FNDC3B: variants seen among roughly 807,000 people sequenced by gnomAD.
FNDC3B encodes fibronectin type III domain-containing protein 3B.
In FNDC3B, 12 loss-of-function variants were observed where a neutral mutation model predicts 151.5. The ratio of observed to expected loss-of-function variants is 0.08; its 90% CI spans 0.05 to 0.13. The LOEUF (loss-of-function observed/expected upper bound fraction) is 0.13, where lower values mean the gene tolerates loss of function less well. Among genes scored for constraint, FNDC3B ranks in the 10% least tolerant of loss-of-function variants. The pLI is 1.00. For synonymous variants in FNDC3B, 528 were observed against 549.0 expected, an observed-to-expected ratio of 0.96 and a Z score of 0.54; for missense variants, 1,214 against 1,505.3, an observed-to-expected ratio of 0.81 and a Z score of 3.20.
chr3:172,341,553 G>C (rs1733325071), intron 17 of FNDC3B, among the ~76,000 whole-genome samples: 2 of 152,158 alleles, frequency 1.3e-5, no homozygotes. Context: ...CTCGGTTATT[G>C]CAATGATTAA....
chr3:172,126,778 C>A lies in FNDC3B; in HGVS notation c.112-6693C>A, dbSNP rs566528602. ...GAGGGTCCTTTCCTGGACTTCTGAG[C>A]CCTTAATAGGAAATTTCCACATACT... On this transcript the variant is annotated intron_variant, in intron 2 of 25. Coordinates refer to ENST00000415807, the MANE Select transcript of FNDC3B (RefSeq NM_022763.4). 3.9e-5 allele frequency among the ~76,000 whole-genome samples: 6 copies of A among 152,282 alleles called. No homozygotes were observed. The East Asian group carries it at 1.2e-3, about 29-fold the overall frequency.
intron 2 of FNDC3B, among the ~76,000 whole-genome samples, chr3:172,126,060 T>G (rs1720795455): frequency 6.6e-6 from 1 of 152,156 alleles, no homozygotes; most frequent in Non-Finnish European, 1.5e-5. Context: ...AAATAAATCT[T>G]GAGTTAGTTC....
At chr3:172,056,644 C>T (rs1716933184) in intron 1 of FNDC3B, among the ~76,000 whole-genome samples, 2 of 152,198 alleles carry the variant, frequency 1.3e-5, no homozygotes, top group Non-Finnish European at 2.9e-5. Flanking sequence ...CTATTTGGCT[C>T]AACGTAGTGT....
intron 3 of FNDC3B, among the ~76,000 whole-genome samples, chr3:172,203,611 C>T (rs974517951): frequency 5.9e-5 from 9 of 152,184 alleles, no homozygotes; most frequent in Non-Finnish European, 1.2e-4. Flanking sequence ...TATCTTTTCG[C>T]TGATTTTCTT....
In FNDC3B at chr3:172,186,226, A is replaced by G. The variant is rs138191063; in HGVS notation, c.188-40645A>G. 2.9e-3 allele frequency among the ~76,000 whole-genome samples: 449 copies of G among 152,316 alleles called. 5 individuals are homozygous for G. Among genetic ancestry groups the G allele is most frequent in the African/African-American group, 0.01 (432 of 41,556 alleles). ...CTGCCTACTATAGTTTCTTTACTAT[A>G]TGGAAACTGGAAAAATAAGTAATTG... On this transcript the variant is annotated intron_variant, in intron 3 of 25. Transcript: ENST00000415807.
chr3:172,279,708 A>G (rs1166160442), intron 6 of FNDC3B, among the ~76,000 whole-genome samples: 1 of 152,134 alleles, frequency 6.6e-6, no homozygotes, highest in Non-Finnish European at 1.5e-5. Flanking sequence ...TTGTGATTTT[A>G]CTCATCTTTA....
At chr3:172,380,937 G>C in intron 24 of FNDC3B, 29 bp from the exon 25 acceptor site, 3 of 1,610,140 alleles carry the variant, frequency 1.9e-6, no homozygotes, top group Non-Finnish European at 2.5e-6. Context: ...TTTGAATTTT[G>C]AGCTTGGATG....
chr3:172,102,079 C>T (rs1347690309), intron 1 of FNDC3B, among the ~76,000 whole-genome samples: 2 of 152,194 alleles, frequency 1.3e-5, no homozygotes, highest in African/African-American at 4.8e-5. Flanking sequence ...ACTCACTAAC[C>T]TATATATAAA....
chr3:172,148,175 C>T (rs1356419221), intron 3 of FNDC3B, among the ~76,000 whole-genome samples: 1 of 151,822 alleles, frequency 6.6e-6, no homozygotes, highest in African/African-American at 2.4e-5. Context: ...AATATGATTG[C>T]CAGAGATATC....
intron 23 of FNDC3B, among the ~76,000 whole-genome samples, chr3:172,370,563 C>A (rs1237547911): frequency 1.3e-5 from 2 of 152,180 alleles, no homozygotes; most frequent in African/African-American, 4.8e-5. Context: ...GCCAAGTGAA[C>A]AAGACAGCTG....
intron 2 of FNDC3B, among the ~76,000 whole-genome samples, chr3:172,128,039 T>C (rs901739875): frequency 1.3e-5 from 2 of 152,216 alleles, no homozygotes; most frequent in African/African-American, 2.4e-5. Flanking sequence ...TTGCTCCTTA[T>C]TTTGCATAGT....
At chr3:172,229,125 AC>A (rs1560028748) in intron 4 of FNDC3B, among the ~76,000 whole-genome samples, 3,718 of 150,196 alleles carry the variant, frequency 0.025, 122 homozygotes, top group African/African-American at 0.072. Flanking sequence ...ACACACACAC[AC>A]ACACACACAC....
At chr3:172,174,934 C>CT in intron 3 of FNDC3B, among the ~76,000 whole-genome samples, 1 of 23,260 alleles carries the variant, frequency 4.3e-5, no homozygotes, top group South Asian at 2.0e-3. Flanking sequence ...CCCCCCGCCA[C>CT]CCCCCCCCCC....
At chr3:172,171,721 A>T (rs1197369999) in intron 3 of FNDC3B, among the ~76,000 whole-genome samples, 1 of 151,426 alleles carries the variant, frequency 6.6e-6, no homozygotes, top group Non-Finnish European at 1.5e-5. Context: ...AGCATGCATG[A>T]ATGTTGCTGT....
At chr3:172,137,688 G>T (rs1368145064) in intron 3 of FNDC3B, among the ~76,000 whole-genome samples, 1 of 152,156 alleles carries the variant, frequency 6.6e-6, no homozygotes, top group Non-Finnish European at 1.5e-5. Flanking sequence ...TGTCCTTGGT[G>T]ATAAGGAAGA....
At chr3:172,305,811 ATTTAAAGTAAC>A (rs1465184616) in intron 9 of FNDC3B, among the ~76,000 whole-genome samples, 2 of 152,214 alleles carry the variant, frequency 1.3e-5, no homozygotes, top group Non-Finnish European at 2.9e-5. Flanking sequence ...GTTGTGATTC[ATTTAAAGTAAC>A]TTACTCCCAG....
At chr3:172,193,868 A>G (rs1405760841) in intron 3 of FNDC3B, among the ~76,000 whole-genome samples, 1 of 152,198 alleles carries the variant, frequency 6.6e-6, no homozygotes. Flanking sequence ...TGAATGGAAG[A>G]AAGGAGTAAG....
chr3:172,223,685 G>A (rs548865852), intron 3 of FNDC3B, among the ~76,000 whole-genome samples: 3 of 152,250 alleles, frequency 2.0e-5, no homozygotes, highest in African/African-American at 7.2e-5. Flanking sequence ...TAATGAGGAA[G>A]GATTGTTCCC....
chr3:172,091,165 A>G (rs1256808687), intron 1 of FNDC3B, among the ~76,000 whole-genome samples: 3 of 151,966 alleles, frequency 2.0e-5, no homozygotes, highest in African/African-American at 7.3e-5. Flanking sequence ...ATATAATAAA[A>G]CTCTTCTGAA....
Sources: allele counts gnomAD v4.1 joint callset (sites outside exome capture counted in the v4.1 genomes callset), GRCh38; gene constraint gnomAD v4.1.1; transcripts MANE v1.5; gene names NCBI Gene and HGNC (gene_info 2026-07-23, HGNC 2026-07-21).